The following KCNIP4 variants were observed in gnomAD, a reference collection of about 807,000 sequenced individuals.
The protein encoded by KCNIP4 is potassium voltage-gated channel interacting protein 4, also known as Kv channel-interacting protein 4.
A neutral mutation model predicts 34.0 loss-of-function variants in KCNIP4; 12 were observed. The ratio of observed to expected loss-of-function variants is 0.35; its 90% CI spans 0.23 to 0.57. The LOEUF is 0.57. Ranked by LOEUF, KCNIP4 falls within the 20% of genes least tolerant of loss-of-function variation. The probability of loss-of-function intolerance (pLI) is 0.83; values close to 1 mark genes in which losing one functional copy is unlikely to be tolerated. For synonymous variants in KCNIP4, 124 were observed against 102.2 expected (o/e 1.21, Z -1.29); for missense variants, 238 against 311.7 (o/e 0.76, Z 1.78).
At chr4:21,485,534 C>T (rs540654250) in intron 1 of KCNIP4, among the ~76,000 whole-genome samples, 34 of 152,282 alleles carry the variant, frequency 2.2e-4, no homozygotes, top group Admixed American at 2.6e-4. Flanking sequence ...CACAATTTTA[C>T]GCTCTGGCAT....
intron 1 of KCNIP4, among the ~76,000 whole-genome samples, chr4:21,706,797 T>C (rs577215733): frequency 2.4e-4 from 36 of 152,226 alleles, no homozygotes; most frequent in African/African-American, 8.4e-4. Flanking sequence ...TTTCAAATTG[T>C]CACAAGTTGC....
At chr4:20,985,344 CTT>C (rs994582765) in intron 1 of KCNIP4, among the ~76,000 whole-genome samples, 5 of 152,174 alleles carry the variant, frequency 3.3e-5, no homozygotes, top group African/African-American at 1.2e-4. Flanking sequence ...GTACTAAGCA[CTT>C]ACTATGTGCT....
At chr4:21,389,987 T>C (rs77889843) in intron 1 of KCNIP4, among the ~76,000 whole-genome samples, 96,361 of 130,182 alleles carry the variant, frequency 0.74, 37,783 homozygotes, top group Non-Finnish European at 0.88. Context: ...TTTTAATGAT[T>C]GCCCTTCTAA....
chr4:21,929,752 G>A (rs1172409473), intron 1 of KCNIP4, among the ~76,000 whole-genome samples: 3 of 151,986 alleles, frequency 2.0e-5, no homozygotes, highest in East Asian at 3.9e-4. Context: ...CTGCAATCTG[G>A]CTTCTGCCCC....
chr4:20,805,228 G>T (rs948295500), intron 3 of KCNIP4, among the ~76,000 whole-genome samples: 11 of 109,342 alleles, frequency 1.0e-4, no homozygotes, highest in African/African-American at 4.0e-4. Flanking sequence ...AAGAGGCAGG[G>T]TCTTTCTGTG....
chr4:21,716,761 T>C (rs929754028), intron 1 of KCNIP4, among the ~76,000 whole-genome samples: 6 of 152,142 alleles, frequency 3.9e-5, no homozygotes, highest in African/African-American at 1.4e-4. Context: ...ACTCATCCCA[T>C]GCTAAAACGG....
chr4:21,697,515 T>G, intron 1 of KCNIP4: 1 of 1,475,872 alleles, frequency 6.8e-7, no homozygotes, highest in Non-Finnish European at 8.9e-7. Flanking sequence ...AAAAAGAGAG[T>G]CTCTGAGGAG....
At chr4:21,826,907 A>C (rs1722709275) in intron 1 of KCNIP4, among the ~76,000 whole-genome samples, 2 of 152,094 alleles carry the variant, frequency 1.3e-5, no homozygotes, top group Non-Finnish European at 2.9e-5. Flanking sequence ...GAATAGCAGA[A>C]GGGAGCTTGA....
At chr4:21,938,220 G>A (rs1729978986) in intron 1 of KCNIP4, among the ~76,000 whole-genome samples, 1 of 152,076 alleles carries the variant, frequency 6.6e-6, no homozygotes, top group Non-Finnish European at 1.5e-5. Context: ...TATCCCACTT[G>A]CGTAGTATGA....
intron 1 of KCNIP4, among the ~76,000 whole-genome samples, chr4:21,173,736 A>G (rs1385971956): frequency 6.6e-6 from 1 of 152,128 alleles, no homozygotes; most frequent in Non-Finnish European, 1.5e-5. Flanking sequence ...CGTGGACCCC[A>G]CCTGCTAAAT....
intron 1 of KCNIP4, among the ~76,000 whole-genome samples, chr4:21,223,796 G>T (rs1425329): frequency 0.061 from 9,239 of 152,140 alleles, 331 homozygotes; most frequent in East Asian, 0.13. Flanking sequence ...GTGAGTGTGT[G>T]TGTGTGTCTT....
chr4:20,835,778 C>T (rs1001261481), intron 3 of KCNIP4, among the ~76,000 whole-genome samples: 1 of 152,010 alleles, frequency 6.6e-6, no homozygotes, highest in South Asian at 2.1e-4. Flanking sequence ...TCAACAATTT[C>T]CCCCCAGTTT....
At chr4:20,919,185 G>A (rs1022719192) in intron 1 of KCNIP4, among the ~76,000 whole-genome samples, 6 of 152,082 alleles carry the variant, frequency 3.9e-5, no homozygotes, top group African/African-American at 1.4e-4. Flanking sequence ...CAGTGAAAAG[G>A]GGTCAGGCAG....
At chr4:21,742,398 C>A (rs1406655823) in intron 1 of KCNIP4, among the ~76,000 whole-genome samples, 1 of 152,136 alleles carries the variant, frequency 6.6e-6, no homozygotes, top group Non-Finnish European at 1.5e-5. Context: ...TTCCTGATTG[C>A]GATTTAGCTC....
chr4:21,840,016 C>T (rs1404962871), intron 1 of KCNIP4, among the ~76,000 whole-genome samples: 4 of 151,880 alleles, frequency 2.6e-5, no homozygotes, highest in South Asian at 2.1e-4. Flanking sequence ...GCTTACTTAT[C>T]GAAAATACTC....
chr4:21,136,807 A>C (rs780935465), intron 1 of KCNIP4, among the ~76,000 whole-genome samples: 11 of 152,196 alleles, frequency 7.2e-5, no homozygotes, highest in Admixed American at 4.6e-4. Flanking sequence ...ATAAGGGTTG[A>C]GTCAGGACAA....
At chr4:21,081,168 A>C (rs1468860042) in intron 1 of KCNIP4, among the ~76,000 whole-genome samples, 2 of 151,808 alleles carry the variant, frequency 1.3e-5, no homozygotes, top group Non-Finnish European at 2.9e-5. Context: ...GATTGGAATG[A>C]ACATTTCTGA....
intron 1 of KCNIP4, among the ~76,000 whole-genome samples, chr4:21,882,423 G>GT (rs1034011990): frequency 1.3e-5 from 2 of 152,078 alleles, no homozygotes; most frequent in Non-Finnish European, 2.9e-5. Flanking sequence ...AACATGAAGA[G>GT]TTTTTCAAAT....
intron 1 of KCNIP4, among the ~76,000 whole-genome samples, chr4:21,861,398 A>C (rs1038053547): frequency 1.3e-5 from 2 of 152,196 alleles, no homozygotes; most frequent in African/African-American, 4.8e-5. Context: ...CTTTAAAAAT[A>C]TTCCCAACTT....
Sources: allele counts gnomAD v4.1 joint callset (sites outside exome capture counted in the v4.1 genomes callset), GRCh38; gene constraint gnomAD v4.1.1; transcripts MANE v1.5; gene names NCBI Gene and HGNC (gene_info 2026-07-23, HGNC 2026-07-21).